Variants in C1orf54 observed in about 807,000 individuals in gnomAD.
C1orf54 encodes the protein chromosome 1 open reading frame 54.
A neutral mutation model predicts 14.7 loss-of-function variants in C1orf54; 12 were observed. The ratio of observed to expected loss-of-function variants is 0.82; its 90% CI spans 0.52 to 1.32. The LOEUF is 1.32. Among genes scored for constraint, C1orf54 ranks in the 40% most tolerant of loss-of-function variants. C1orf54 has a pLI of 0.00. For missense variants in C1orf54, 163 were observed against 162.2 expected, an observed-to-expected ratio of 1.00 and a Z score of -0.03; for synonymous variants, 65 against 56.3, an observed-to-expected ratio of 1.16 and a Z score of -0.70.
chr1:150,270,626 G>A (rs1553851094), upstream of C1orf54, among the ~76,000 whole-genome samples: 1 of 151,974 alleles, frequency 6.6e-6, no homozygotes. Context: ...CTGGGCGACA[G>A]AGCAAGACTC....
At chr1:150,280,724 A>C in intron 5 of C1orf54, 111 bp from the exon 6 acceptor site, 1 of 833,258 alleles carries the variant, frequency 1.2e-6, no homozygotes, top group Non-Finnish European at 1.9e-6. Context: ...GCTATCACAG[A>C]GCAATCCCAG....
At chr1:150,268,830 G>T (rs2275780), upstream of C1orf54, 194,344 of 1,602,014 alleles carry the variant, frequency 0.12, 13,362 homozygotes, top group East Asian at 0.34. Flanking sequence ...GGTGGGAAGG[G>T]GGGTGGGGGC....
intron 5 of C1orf54, among the ~76,000 whole-genome samples, chr1:150,280,279 T>C (rs1652984258): frequency 6.6e-6 from 1 of 152,232 alleles, no homozygotes; most frequent in Non-Finnish European, 1.5e-5. Flanking sequence ...AATCTTCTTA[T>C]TCAGTCTTAA....
At position 150,276,578 on chromosome 1, in the gene C1orf54, A is replaced by G. The variant is rs782237284; in HGVS notation, c.246A>G (p.Thr82=). 8.1e-6 allele frequency: 13 copies of G among 1,614,232 alleles called. No homozygotes were observed. The highest frequency in any genetic ancestry group is 1.1e-5 in the Non-Finnish European group (13 of 1,180,050). ...TAGAGACTACCATTAGTCTTGAAAC[A>G]GCACGTGCAGACCATCCGAAGCCTG... ...EAIETTISLE[T]ARADHPKPVT... Residue 82 remains threonine, a synonymous_variant, in exon 4 of 6, where the codon ACA becomes ACG. Transcript: ENST00000369099.
intron 2 of C1orf54, 122 bp from the exon 3 acceptor site, chr1:150,275,619 G>T: frequency 4.3e-6 from 3 of 692,934 alleles, no homozygotes; most frequent in Non-Finnish European, 7.1e-6. Context: ...AATAAAATTG[G>T]ATTATACCAA....
chr1:150,274,798 A>G (rs1329044912), intron 2 of C1orf54, among the ~76,000 whole-genome samples: 1 of 150,094 alleles, frequency 6.7e-6, no homozygotes, highest in Non-Finnish European at 1.5e-5. Flanking sequence ...CTGTAGTCCC[A>G]GTTATTCAGG....
intron 2 of C1orf54, among the ~76,000 whole-genome samples, chr1:150,275,199 C>T (rs1444635682): frequency 3.3e-5 from 5 of 151,816 alleles, no homozygotes; most frequent in South Asian, 2.1e-4. Context: ...CTACCATGCC[C>T]GGCTAATTTT....
At chr1:150,270,562 G>C (rs1168431844), upstream of C1orf54, among the ~76,000 whole-genome samples, 1 of 151,978 alleles carries the variant, frequency 6.6e-6, no homozygotes, top group African/African-American at 2.4e-5. Flanking sequence ...AGAATAGCTT[G>C]AATCTGAGAG....
intron 1 of C1orf54, among the ~76,000 whole-genome samples, chr1:150,273,518 G>A (rs945175646): frequency 1.3e-5 from 2 of 152,190 alleles, no homozygotes; most frequent in Admixed American, 6.5e-5. Flanking sequence ...CATATTTTTA[G>A]TTCTGAAAGG....
intron 1 of C1orf54, among the ~76,000 whole-genome samples, chr1:150,273,663 T>C (rs1490982264): frequency 6.6e-6 from 1 of 152,146 alleles, no homozygotes; most frequent in Non-Finnish European, 1.5e-5. Context: ...AGCCTAAGGG[T>C]GTATGTTAGT....
At chr1:150,269,114 G>C (rs201308463), upstream of C1orf54, 7 of 319,062 alleles carry the variant, frequency 2.2e-5, no homozygotes, top group African/African-American at 4.2e-5. Context: ...TGCTCGACCT[G>C]CTGGGAGTTG....
rs782516643 is a variant in C1orf54 at position 150,279,701 on chromosome 1, C to T, written c.359C>T (p.Ser120Leu). 6.8e-6 allele frequency: 11 copies of T among 1,613,040 alleles called. 1 individual carries two copies. The highest frequency in any genetic ancestry group is 4.5e-5 in the East Asian group (2 of 44,780). ...SLRSPIPLLL[S>L]CAFVQVGMYF... ...CGAAGTCCTATTCCCCTCCTCCTGT[C>T]GTGTGCCTTTGTTCAGGTGGGGATG... Residue 120 changes from serine to leucine, a missense_variant, in exon 5 of 6, where the codon TCG (serine) becomes TTG (leucine). Coordinates refer to ENST00000369099, the MANE Select transcript of C1orf54 (RefSeq NM_024579.4).
intron 4 of C1orf54, among the ~76,000 whole-genome samples, chr1:150,277,890 G>C (rs1196097403): frequency 6.6e-6 from 1 of 152,198 alleles, no homozygotes; most frequent in Non-Finnish European, 1.5e-5. Context: ...CTGAAGTCGG[G>C]AGTTCGAGAC....
intron 5 of C1orf54, among the ~76,000 whole-genome samples, chr1:150,280,357 T>A (rs1652988616): frequency 6.6e-6 from 1 of 152,236 alleles, no homozygotes; most frequent in Non-Finnish European, 1.5e-5. Flanking sequence ...TAAGAGGACT[T>A]CAGGATCTCC....
intron 2 of C1orf54, 47 bp from the exon 3 acceptor site, chr1:150,275,694 A>G: frequency 6.9e-7 from 1 of 1,448,356 alleles, no homozygotes; most frequent in Non-Finnish European, 9.7e-7. Context: ...CCAGATCTAG[A>G]GTTACATTTT....
chr1:150,275,940 C>A (rs1278708120), intron 3 of C1orf54, 141 bp downstream of exon 3: 1 of 638,590 alleles, frequency 1.6e-6, no homozygotes, highest in Non-Finnish European at 2.6e-6. Flanking sequence ...AGTTTGAGAC[C>A]AGCCTGGCCA....
chr1:150,280,781 G>A (rs890975460), intron 5 of C1orf54, 54 bp from the exon 6 acceptor site: 3 of 1,403,284 alleles, frequency 2.1e-6, no homozygotes, highest in Admixed American at 2.0e-5. Context: ...GGCATGAAGG[G>A]GTTTCTCGGG....
chr1:150,271,418 T>C (rs2101863761), upstream of C1orf54, among the ~76,000 whole-genome samples: 1 of 152,214 alleles, frequency 6.6e-6, no homozygotes, highest in East Asian at 1.9e-4. Context: ...CATCTCTCCA[T>C]TGAGCTGTTA....
intron 4 of C1orf54, among the ~76,000 whole-genome samples, chr1:150,278,986 A>G (rs1652888819): frequency 6.6e-6 from 1 of 152,252 alleles, no homozygotes; most frequent in African/African-American, 2.4e-5. Context: ...TGAAGTATAC[A>G]GTAGGCTGGG....
Sources: gnomAD v4.1 joint callset for allele counts (sites outside exome capture counted in the v4.1 genomes callset) on GRCh38, gnomAD v4.1.1 for gene constraint, MANE v1.5 for transcripts, NCBI Gene and HGNC (gene_info 2026-07-23, HGNC 2026-07-21) for gene names.